LOXL2: variants seen among roughly 807,000 people sequenced by gnomAD.
LOXL2 encodes the protein lysyl oxidase like 2.
LOXL2 carries 70 observed loss-of-function variants against 93.0 expected under a neutral mutation model. The ratio of observed to expected loss-of-function variants is 0.75; its 90% CI spans 0.62 to 0.92. The LOEUF is 0.92. Among genes scored for constraint, LOXL2 ranks in the 40% least tolerant of loss-of-function variants. The pLI, the probability that LOXL2 is intolerant of heterozygous loss-of-function variation, is 0.00. For synonymous variants in LOXL2, 438 were observed against 413.2 expected (o/e 1.06, Z -0.73); for missense variants, 973 against 1,054.9 (o/e 0.92, Z 1.08).
chr8:23,299,693 G>A (rs1464774915), intron 12 of LOXL2, among the ~76,000 whole-genome samples: 1 of 152,212 alleles, frequency 6.6e-6, no homozygotes, highest in Non-Finnish European at 1.5e-5. Context: ...AGGGGCAGAG[G>A]ACACAGATGA....
chr8:23,328,067 A>G (rs17088178), intron 6 of LOXL2, among the ~76,000 whole-genome samples: 87,723 of 151,904 alleles, frequency 0.58, 27,754 homozygotes, highest in Middle Eastern at 0.73. Context: ...TTTTGGTAAG[A>G]CAGCAGAGAG....
intron 3 of LOXL2, among the ~76,000 whole-genome samples, chr8:23,357,566 T>C (rs1024276134): frequency 6.6e-6 from 1 of 152,142 alleles, no homozygotes; most frequent in African/African-American, 2.4e-5. Flanking sequence ...TTTTCCAAAA[T>C]CATTTTTTTT....
intron 4 of LOXL2, among the ~76,000 whole-genome samples, chr8:23,339,738 C>T (rs957977833): frequency 6.6e-6 from 1 of 152,300 alleles, no homozygotes; most frequent in East Asian, 1.9e-4. Flanking sequence ...ATTCAGAGGA[C>T]GGCGACTCCT....
intron 5 of LOXL2, among the ~76,000 whole-genome samples, chr8:23,330,059 C>A (rs1287897380): frequency 6.6e-6 from 1 of 152,214 alleles, no homozygotes; most frequent in Non-Finnish European, 1.5e-5. Context: ...GGTGCGGTGG[C>A]TCACGCCTGT....
intron 1 of LOXL2, among the ~76,000 whole-genome samples, chr8:23,372,449 C>T (rs1804511669): frequency 6.6e-6 from 1 of 152,134 alleles, no homozygotes; most frequent in African/African-American, 2.4e-5. Context: ...AACCCCTGAC[C>T]TCAAGTGATC....
At chr8:23,332,175 C>T (rs1214412226) in intron 5 of LOXL2, among the ~76,000 whole-genome samples, 1 of 150,518 alleles carries the variant, frequency 6.6e-6, no homozygotes, top group Non-Finnish European at 1.5e-5. Context: ...CTCACACTCT[C>T]TCACACACAC....
chr8:23,327,114 G>C (rs188531588), intron 6 of LOXL2, among the ~76,000 whole-genome samples: 1 of 152,132 alleles, frequency 6.6e-6, no homozygotes, highest in African/African-American at 2.4e-5. Context: ...GGACTCTCTC[G>C]AGGCCACTGG....
chr8:23,344,156 C>G (rs1302209912), intron 3 of LOXL2, among the ~76,000 whole-genome samples: 1 of 152,230 alleles, frequency 6.6e-6, no homozygotes, highest in Non-Finnish European at 1.5e-5. Flanking sequence ...ACACACCAAC[C>G]CAAACGCCAA....
At chr8:23,321,888 G>A (rs1803502516) in intron 7 of LOXL2, 3 of 505,924 alleles carry the variant, frequency 5.9e-6, no homozygotes, top group South Asian at 2.6e-5. Flanking sequence ...CACCTCAGAT[G>A]TTAACATGCA....
Position 23,298,642 on chromosome 8 carries a change from C to T in LOXL2, c.2245+194G>A, listed in dbSNP as rs560845375. On this transcript the variant is annotated intron_variant, in intron 13 of 13. Coordinates refer to ENST00000389131, the MANE Select transcript of LOXL2 (RefSeq NM_002318.3). ...GCCTGGTCCTGTACCATCCTCTATC[C>T]GTGGCCGGAGCTGGCTGTAAAAACT... Among the ~76,000 whole-genome samples, 156 of 152,304 alleles carry T rather than the reference C, an allele frequency of 1.0e-3. 3 individuals are homozygous for T. The highest frequency in any genetic ancestry group is 8.4e-4 in the Non-Finnish European group (57 of 68,040).
chr8:23,304,264 G>C (rs992336717), intron 10 of LOXL2, among the ~76,000 whole-genome samples: 1 of 152,238 alleles, frequency 6.6e-6, no homozygotes, highest in Non-Finnish European at 1.5e-5. Context: ...GAGGAATTGA[G>C]AACAGATGCA....
chr8:23,310,387 T>C (rs764620875), intron 9 of LOXL2, among the ~76,000 whole-genome samples: 17 of 152,378 alleles, frequency 1.1e-4, no homozygotes, highest in East Asian at 1.9e-4. Flanking sequence ...GGGAATGATG[T>C]ATTTTCCAAC....
chr8:23,316,774 T>A lies in LOXL2; in HGVS notation c.1636+175A>T, dbSNP rs1467825185. ...CTCCCCACTACATCATAGACAGCGA[T>A]CTGTGGTTGGGGTGGCGGTCATCTC... On this transcript the variant is annotated intron_variant, in intron 9 of 13. Transcript: ENST00000389131. The A allele has an allele frequency of 4.9e-6, 3 of 610,742 alleles. No homozygotes were observed. In the East Asian group the frequency reaches 8.9e-5, roughly 18 times the overall value. 37.8% of individuals were successfully genotyped at this position (610,742 alleles called of 1,614,324 possible). A position where few individuals can be genotyped will look rare whatever the true frequency, so the allele number is the denominator to read the frequency against.
At chr8:23,343,135 G>A (rs73547604) in intron 3 of LOXL2, among the ~76,000 whole-genome samples, 3,550 of 152,144 alleles carry the variant, frequency 0.023, 113 homozygotes, top group East Asian at 0.13. Flanking sequence ...AGATGCTCTC[G>A]GCCATTCAGG....
intron 3 of LOXL2, among the ~76,000 whole-genome samples, chr8:23,348,898 CAAAA>C (rs1189778369): frequency 6.6e-6 from 1 of 151,820 alleles, no homozygotes; most frequent in East Asian, 1.9e-4. Flanking sequence ...AACAAACAAA[CAAAA>C]AAACAACAAC....
intron 1 of LOXL2, among the ~76,000 whole-genome samples, chr8:23,394,480 A>C (rs903397326): frequency 1.3e-5 from 2 of 152,102 alleles, no homozygotes; most frequent in Non-Finnish European, 2.9e-5. Flanking sequence ...AAGATATACA[A>C]ATGGCTTACA....
At position 23,309,922 on chromosome 8, in the gene LOXL2, T is replaced by C. The variant is rs2294126; in HGVS notation, c.1637-11A>G. On this transcript the variant is annotated splice_polypyrimidine_tract_variant and intron_variant, in intron 9 of 13. Coordinates refer to ENST00000389131, the MANE Select transcript of LOXL2 (RefSeq NM_002318.3). ...CCAGGTCAGGGGCGGCTGCGGAGGA[T>C]GGCATGCTGGTCAACAAGGCAAGAG... is the stretch of plus-strand genomic sequence containing the variant. 50,366 of 1,456,348 alleles carry C rather than the reference T, an allele frequency of 0.035. 2,049 individuals are homozygous for C. The highest frequency in any genetic ancestry group is 0.22 in the East Asian group (8,200 of 37,576). 90.2% of individuals were successfully genotyped at this position (1,456,348 alleles called of 1,614,324 possible). A position where few individuals can be genotyped will look rare whatever the true frequency, so the allele number is the denominator to read the frequency against.
Position 23,368,298 on chromosome 8 carries a change from G to C in LOXL2, c.54C>G (p.Leu18=). Residue 18 remains leucine, a synonymous_variant, in exon 2 of 14, where the codon CTC becomes CTG. Coordinates refer to ENST00000389131, the MANE Select transcript of LOXL2 (RefSeq NM_002318.3). ...ACTGTGCCAGGCTCAGGGGGGACAG[G>C]AGGGCCAGCATAGCCAGGCAGCTGC... ...HLCSCLAMLA[L]LSPLSLAQYD... is the part of the protein sequence containing the mutation. The C allele has an allele frequency of 1.2e-6, 2 of 1,613,416 alleles. No individual in the cohort carries two copies. The highest frequency in any genetic ancestry group is 1.7e-6 in the Non-Finnish European group (2 of 1,180,024).
At chr8:23,380,931 T>C (rs1804672951) in intron 1 of LOXL2, among the ~76,000 whole-genome samples, 1 of 152,160 alleles carries the variant, frequency 6.6e-6, no homozygotes, top group Non-Finnish European at 1.5e-5. Flanking sequence ...AATAATTGCT[T>C]GAACCTGGGA....
Sources: gnomAD v4.1 joint callset for allele counts (sites outside exome capture counted in the v4.1 genomes callset) on GRCh38, gnomAD v4.1.1 for gene constraint, MANE v1.5 for transcripts, NCBI Gene and HGNC (gene_info 2026-07-23, HGNC 2026-07-21) for gene names.